The following ANKRD12 variants were observed in gnomAD, a reference collection of about 807,000 sequenced individuals.
ANKRD12 encodes the protein ankyrin repeat domain-containing protein 12.
Under a neutral mutation model 183.4 loss-of-function variants are expected in ANKRD12, and 85 were observed. That is an observed-to-expected ratio of 0.46 (90% CI 0.39 to 0.56). ANKRD12 has a LOEUF of 0.56. Among genes scored for constraint, ANKRD12 ranks in the 20% least tolerant of loss-of-function variants. ANKRD12 has a pLI of 0.00. For missense variants in ANKRD12, 2,405 were observed against 2,357.1 expected (o/e 1.02, Z -0.42); for synonymous variants, 914 against 800.2 (o/e 1.14, Z -2.40).
Position 9,275,646 on chromosome 18 carries a change from C to T in ANKRD12, c.5886C>T (p.Tyr1962=), listed in dbSNP as rs1448783574. The change falls in exon 11 of 13, where the codon TAC becomes TAT. Residue 1962 remains tyrosine, a synonymous_variant. Coordinates refer to ENST00000262126, the MANE Select transcript of ANKRD12 (RefSeq NM_015208.5). ...ACTVLLDAEV[Y]NVPLDSQSDD... ...CTGTTTTGCTGGATGCCGAAGTATA[C>T]AATGTACCATTGGACTCTCAGGTAA... The T allele has an allele frequency of 6.3e-7, 1 of 1,595,686 alleles. No homozygotes were observed. The highest frequency in any genetic ancestry group is 8.6e-7 in the Non-Finnish European group (1 of 1,166,950).
intron 8 of ANKRD12, among the ~76,000 whole-genome samples, chr18:9,223,454 CAAAA>C (rs1413287858): frequency 6.7e-6 from 1 of 148,546 alleles, no homozygotes; most frequent in Non-Finnish European, 1.5e-5. Context: ...ATGAAAAATA[CAAAA>C]AAAAACCCAA....
At chr18:9,278,671 C>T (rs2039967480) in intron 11 of ANKRD12, among the ~76,000 whole-genome samples, 1 of 152,092 alleles carries the variant, frequency 6.6e-6, no homozygotes, top group Admixed American at 6.5e-5. Context: ...GTGGCGGGTG[C>T]CTGTAATCCC....
At chr18:9,180,403 C>G (rs191763236) in intron 1 of ANKRD12, among the ~76,000 whole-genome samples, 3 of 152,116 alleles carry the variant, frequency 2.0e-5, no homozygotes, top group Admixed American at 2.0e-4. Flanking sequence ...CTGGCATTCT[C>G]TGTCTTTTGG....
intron 10 of ANKRD12, among the ~76,000 whole-genome samples, chr18:9,272,487 G>A (rs1217421776): frequency 2.0e-5 from 3 of 152,014 alleles, no homozygotes; most frequent in African/African-American, 4.8e-5. Context: ...ACTTGAACCC[G>A]GGAGGCGGAG....
At position 9,226,921 on chromosome 18, in the gene ANKRD12, G is replaced by A. The variant is rs183267560; in HGVS notation, c.943+4922G>A. On this transcript the variant is annotated intron_variant, in intron 8 of 12. Coordinates refer to ENST00000262126, the MANE Select transcript of ANKRD12 (RefSeq NM_015208.5). ...GCAGTAGAAATATGCCAGATTATCCGCAGAGATGGTAATTAAAGGCAATAC... is the reference window on the plus strand; with the variant it reads ...GCAGTAGAAATATGCCAGATTATCCACAGAGATGGTAATTAAAGGCAATAC... Among the ~76,000 whole-genome samples the A allele has an allele frequency of 1.5e-4, 23 of 152,216 alleles. No individual in the cohort carries two copies. The East Asian group carries it at 4.3e-3, about 28-fold the overall frequency.
At chr18:9,238,276 CCTCTT>C (rs1323344674) in intron 8 of ANKRD12, among the ~76,000 whole-genome samples, 1 of 152,080 alleles carries the variant, frequency 6.6e-6, no homozygotes, top group Non-Finnish European at 1.5e-5. Flanking sequence ...CTTTCTGGAC[CCTCTT>C]CTCATGCTGC....
intron 9 of ANKRD12, among the ~76,000 whole-genome samples, chr18:9,261,134 C>T (rs528518335): frequency 3.3e-5 from 5 of 152,332 alleles, no homozygotes; most frequent in East Asian, 1.9e-4. Context: ...GCTGCTTCCT[C>T]AATTCCCTGC....
At chr18:9,219,636 TA>T (rs2036303144) in intron 7 of ANKRD12, among the ~76,000 whole-genome samples, 1 of 151,362 alleles carries the variant, frequency 6.6e-6, no homozygotes, top group Non-Finnish European at 1.5e-5. Flanking sequence ...TTTAAAAATA[TA>T]AAAACTATTC....
intron 1 of ANKRD12, among the ~76,000 whole-genome samples, chr18:9,139,365 C>T (rs2078239951): frequency 1.3e-5 from 2 of 152,058 alleles, no homozygotes; most frequent in Non-Finnish European, 2.9e-5. Context: ...ATGACTGATA[C>T]TCTTTTGAAG....
chr18:9,248,926 C>G (rs551101775), intron 8 of ANKRD12, among the ~76,000 whole-genome samples: 15 of 152,224 alleles, frequency 9.9e-5, no homozygotes, highest in African/African-American at 2.9e-4. Context: ...ACGATAGTTG[C>G]CATCTGGGTA....
intron 10 of ANKRD12, among the ~76,000 whole-genome samples, chr18:9,270,508 C>T (rs971008162): frequency 1.9e-4 from 29 of 152,100 alleles, no homozygotes; most frequent in Admixed American, 7.2e-4. Context: ...AGCAAACTAT[C>T]GCAAGGACAA....
intron 8 of ANKRD12, among the ~76,000 whole-genome samples, chr18:9,249,211 A>G (rs1330616865): frequency 6.6e-6 from 1 of 152,218 alleles, no homozygotes. Context: ...TACCTTCCTT[A>G]CAGAAGACTT....
At chr18:9,239,543 T>A (rs1177488973) in intron 8 of ANKRD12, 19 of 1,283,752 alleles carry the variant, frequency 1.5e-5, no homozygotes, top group Non-Finnish European at 1.9e-5. Flanking sequence ...CAAGGAATGA[T>A]ACAAAAATCA....
intron 8 of ANKRD12, among the ~76,000 whole-genome samples, chr18:9,244,094 A>G (rs575407924): frequency 6.6e-6 from 1 of 152,236 alleles, no homozygotes; most frequent in Non-Finnish European, 1.5e-5. Flanking sequence ...AGGTCGCACC[A>G]CTGCGCTCCA....
intron 1 of ANKRD12, among the ~76,000 whole-genome samples, chr18:9,145,489 C>T (rs1334537024): frequency 6.6e-6 from 1 of 152,138 alleles, no homozygotes; most frequent in African/African-American, 2.4e-5. Flanking sequence ...TAGTATTATT[C>T]CTTAATCATC....
rs114716848 is a variant in ANKRD12, at chr18:9,203,964, C to T, written c.236-512C>T. 7.0e-3 allele frequency among the ~76,000 whole-genome samples: 1,066 copies of T among 152,274 alleles called. 21 individuals carry two copies. The highest frequency in any genetic ancestry group is 0.024 in the African/African-American group (1,003 of 41,546). On this transcript the variant is annotated intron_variant, in intron 3 of 12. Coordinates refer to ENST00000262126, the MANE Select transcript of ANKRD12 (RefSeq NM_015208.5). Reference sequence around the variant, plus strand: ...TGATTTAGGTTACTTTCTTTCCAGACGGTCTTCAGTAGTAATCACTGTAGT... The same window carrying T: ...TGATTTAGGTTACTTTCTTTCCAGATGGTCTTCAGTAGTAATCACTGTAGT...
intron 1 of ANKRD12, among the ~76,000 whole-genome samples, chr18:9,150,480 TA>T (rs2078649314): frequency 6.6e-6 from 1 of 152,194 alleles, no homozygotes; most frequent in Non-Finnish European, 1.5e-5. Flanking sequence ...GAGAACTTTA[TA>T]AAATAGACCA....
Position 9,238,334 on chromosome 18 carries a change from T to C in ANKRD12, c.944-15877T>C, listed in dbSNP as rs556210500. ...TTTCACCCACACTTAGAGTTTTTAC[T>C]ACCATTTATGTAATGATTTTAAAAT... On this transcript the variant is annotated intron_variant, in intron 8 of 12. Transcript: ENST00000262126. Among the ~76,000 whole-genome samples the C allele has an allele frequency of 3.3e-5, 5 of 152,352 alleles. No individual in the cohort carries two copies. The South Asian group carries it at 1.0e-3, about 32-fold the overall frequency.
intron 1 of ANKRD12, among the ~76,000 whole-genome samples, chr18:9,172,885 T>G (rs1390676952): frequency 6.6e-6 from 1 of 151,968 alleles, no homozygotes; most frequent in East Asian, 1.9e-4. Flanking sequence ...GCTGATCTTT[T>G]TTTTTTGTTT....
Sources: allele counts gnomAD v4.1 joint callset (sites outside exome capture counted in the v4.1 genomes callset), GRCh38; gene constraint gnomAD v4.1.1; transcripts MANE v1.5; gene names NCBI Gene and HGNC (gene_info 2026-07-23, HGNC 2026-07-21).